TPRG1: variants seen among roughly 807,000 people sequenced by gnomAD.
The protein encoded by TPRG1 is tumor protein p63 regulated 1, also known as tumor protein p63-regulated gene 1 protein.
Under a neutral mutation model 29.3 loss-of-function variants are expected in TPRG1, and 29 were observed. The observed-to-expected ratio is 0.99, with a 90% confidence interval of 0.74 to 1.35. The LOEUF (loss-of-function observed/expected upper bound fraction) is 1.35. TPRG1 is among the 40% of genes most tolerant of loss of function. The pLI is 0.00. For missense variants in TPRG1, 327 were observed against 335.0 expected, an observed-to-expected ratio of 0.98 and a Z score of 0.19; for synonymous variants, 130 against 116.8, an observed-to-expected ratio of 1.11 and a Z score of -0.73.
chr3:189,049,546 C>T (rs953555147), intron 4 of TPRG1, among the ~76,000 whole-genome samples: 62 of 152,288 alleles, frequency 4.1e-4, no homozygotes, highest in East Asian at 7.7e-4. Context: ...CCCCACCTGA[C>T]GGTCCTTCCC....
At chr3:189,106,989 A>C (rs1719903798) in intron 1 of TPRG1, among the ~76,000 whole-genome samples, 1 of 152,000 alleles carries the variant, frequency 6.6e-6, no homozygotes, top group African/African-American at 2.4e-5. Flanking sequence ...ATTTAAGTGC[A>C]CATAATGTGA....
intron 4 of TPRG1, among the ~76,000 whole-genome samples, chr3:189,288,446 A>T (rs1038510956): frequency 1.3e-5 from 2 of 152,230 alleles, no homozygotes; most frequent in Non-Finnish European, 2.9e-5. Flanking sequence ...ACTATTCACC[A>T]TCTAATTTTG....
At chr3:189,093,063 C>T (rs565180386) in intron 4 of TPRG1, among the ~76,000 whole-genome samples, 114 of 151,582 alleles carry the variant, frequency 7.5e-4, no homozygotes, top group African/African-American at 2.7e-3. Flanking sequence ...GTTGAAATAG[C>T]CAAAATATTC....
intron 4 of TPRG1, among the ~76,000 whole-genome samples, chr3:189,264,352 C>T (rs1713670476): frequency 1.3e-5 from 2 of 152,160 alleles, no homozygotes; most frequent in Admixed American, 6.5e-5. Context: ...ACTATTTGTA[C>T]ATGTATTTTA....
At chr3:189,186,869 C>T (rs1730986065) in intron 1 of TPRG1, among the ~76,000 whole-genome samples, 1 of 152,028 alleles carries the variant, frequency 6.6e-6, no homozygotes, top group Non-Finnish European at 1.5e-5. Flanking sequence ...TTCATATATT[C>T]TGCTCACAAT....
intron 5 of TPRG1, among the ~76,000 whole-genome samples, chr3:189,155,071 G>C (rs905777201): frequency 6.6e-6 from 1 of 152,132 alleles, no homozygotes; most frequent in African/African-American, 2.4e-5. Flanking sequence ...CATGCAACTG[G>C]CAAGCTAAGG....
chr3:189,314,020 T>A (rs1723101363), intron 5 of TPRG1, among the ~76,000 whole-genome samples: 1 of 152,028 alleles, frequency 6.6e-6, no homozygotes, highest in Non-Finnish European at 1.5e-5. Flanking sequence ...ATGAGGAGAT[T>A]TTGAGTTATT....
chr3:189,248,688 C>A (rs564490878), intron 4 of TPRG1, among the ~76,000 whole-genome samples: 41 of 150,872 alleles, frequency 2.7e-4, no homozygotes, highest in Admixed American at 5.9e-4. Context: ...TCCTCTTTGA[C>A]CTGAGAATAG....
chr3:189,018,540 T>C (rs1481521699), intron 3 of TPRG1, among the ~76,000 whole-genome samples: 2 of 129,866 alleles, frequency 1.5e-5, no homozygotes, highest in African/African-American at 5.6e-5. Context: ...CAGATAGTTG[T>C]AGATATGCGG....
At chr3:189,278,906 G>C (rs973923921) in intron 4 of TPRG1, among the ~76,000 whole-genome samples, 2 of 152,184 alleles carry the variant, frequency 1.3e-5, no homozygotes, top group African/African-American at 2.4e-5. Flanking sequence ...CCAGTCCCAA[G>C]TACTTATGCT....
At chr3:189,185,512 C>T (rs945316943) in intron 1 of TPRG1, among the ~76,000 whole-genome samples, 1 of 152,152 alleles carries the variant, frequency 6.6e-6, no homozygotes, top group Non-Finnish European at 1.5e-5. Context: ...TGACGTAAGC[C>T]ACTGCACCCA....
At chr3:189,187,408 G>A (rs1731086630) in intron 1 of TPRG1, among the ~76,000 whole-genome samples, 1 of 152,050 alleles carries the variant, frequency 6.6e-6, no homozygotes, top group South Asian at 2.1e-4. Context: ...CTGGGTTCAA[G>A]CGATTCTTCT....
In TPRG1 at chr3:189,254,482, T is replaced by C. The variant is rs142173650; in HGVS notation, c.479+15573T>C. On this transcript the variant is annotated intron_variant, in intron 4 of 5. Transcript: ENST00000345063. Reference sequence around the variant, plus strand: ...TGCCTCCAGCTTTGTTCTTTTTGCTTAGGATTGTCTTGGCTATATGGGCTC... The same window carrying C: ...TGCCTCCAGCTTTGTTCTTTTTGCTCAGGATTGTCTTGGCTATATGGGCTC... 3.3e-3 allele frequency among the ~76,000 whole-genome samples: 506 copies of C among 152,330 alleles called. 2 individuals are homozygous for C. Among genetic ancestry groups the C allele is most frequent in the African/African-American group, 0.012 (486 of 41,564 alleles).
At chr3:189,296,941 G>T (rs1490240484) in intron 4 of TPRG1, among the ~76,000 whole-genome samples, 3 of 151,964 alleles carry the variant, frequency 2.0e-5, no homozygotes, top group Non-Finnish European at 2.9e-5. Flanking sequence ...CAGCCTTTGG[G>T]TGCCTTTCAT....
At chr3:189,286,706 G>C (rs1255902396) in intron 4 of TPRG1, among the ~76,000 whole-genome samples, 5 of 152,090 alleles carry the variant, frequency 3.3e-5, no homozygotes, top group Admixed American at 1.3e-4. Context: ...GAATGTCTCT[G>C]ATCTCTTGTC....
chr3:189,114,844 TAGTC>T (rs368835692), intron 1 of TPRG1, among the ~76,000 whole-genome samples: 4 of 152,310 alleles, frequency 2.6e-5, no homozygotes, highest in African/African-American at 7.2e-5. Context: ...ATAACTGGCT[TAGTC>T]AGTTATAGCC....
chr3:189,210,694 T>G (rs1578841798), intron 2 of TPRG1, among the ~76,000 whole-genome samples: 1 of 152,154 alleles, frequency 6.6e-6, no homozygotes, highest in African/African-American at 2.4e-5. Context: ...ACACACTTGT[T>G]CTCAAAGGAA....
chr3:189,016,764 G>A (rs1456757692), intron 3 of TPRG1, among the ~76,000 whole-genome samples: 1 of 152,110 alleles, frequency 6.6e-6, no homozygotes, highest in Non-Finnish European at 1.5e-5. Flanking sequence ...CTCCTGCTCT[G>A]CCATGGGAAG....
At chr3:189,122,881 A>T (rs937053837) in intron 1 of TPRG1, among the ~76,000 whole-genome samples, 1 of 152,232 alleles carries the variant, frequency 6.6e-6, no homozygotes, top group Non-Finnish European at 1.5e-5. Context: ...AACTAAGTCA[A>T]ATAGTTAGAT....
Sources: allele counts gnomAD v4.1 joint callset (sites outside exome capture counted in the v4.1 genomes callset), GRCh38; gene constraint gnomAD v4.1.1; transcripts MANE v1.5; gene names NCBI Gene and HGNC (gene_info 2026-07-23, HGNC 2026-07-21).